TIAM1: variants seen among roughly 807,000 people sequenced by gnomAD.
The protein encoded by TIAM1 is rho guanine nucleotide exchange factor TIAM1.
A neutral mutation model predicts 163.5 loss-of-function variants in TIAM1; 65 were observed. The ratio of observed to expected loss-of-function variants is 0.40; its 90% CI spans 0.33 to 0.49. TIAM1 has a LOEUF of 0.49. TIAM1 is among the 20% of genes least tolerant of loss of function. TIAM1 has a pLI of 0.77. For missense variants in TIAM1, 1,789 were observed against 2,044.7 expected (o/e 0.87, Z 2.41); for synonymous variants, 833 against 810.1 (o/e 1.03, Z -0.48).
At chr21:31,210,814 G>GAGAAAGAAGGAAGGAAGGAAGGGAGAAA (rs147674572) in intron 10 of TIAM1, among the ~76,000 whole-genome samples, 1 of 147,616 alleles carries the variant, frequency 6.8e-6, no homozygotes, top group African/African-American at 2.6e-5. Flanking sequence ...AAGAAAGAAA[G>GAGAAAGAAGGAAGGAAGGAAGGGAGAAA]GTCACCATTC....
rs1485715517 is a variant in TIAM1 at position 31,141,038 on chromosome 21, T to C, written c.3774+80A>G. 7 of 1,143,876 alleles carry C rather than the reference T, an allele frequency of 6.1e-6. No homozygotes were observed. The highest frequency in any genetic ancestry group is 2.4e-5 in the Admixed American group (1 of 41,930). 70.9% of individuals were successfully genotyped at this position (1,143,876 alleles called of 1,614,324 possible). A position where few individuals can be genotyped will look rare whatever the true frequency, so the allele number is the denominator to read the frequency against. The stretch of plus-strand genomic sequence containing the variant: ...TATTTTACTTACAAGTAACACCTTT[T>C]TAAAAAATAAATAAATAAATAAAAG... On this transcript the variant is annotated intron_variant, in intron 22 of 27. Transcript: ENST00000541036. The surrounding 1 kb of genome is among the most constrained non-coding windows in gnomAD (Gnocchi z 4.7).
intron 2 of TIAM1, among the ~76,000 whole-genome samples, chr21:31,352,544 T>TA (rs1383657173): frequency 1.1e-3 from 137 of 127,626 alleles, no homozygotes; most frequent in African/African-American, 3.6e-3. Flanking sequence ...ATATGTAGCT[T>TA]TAAAAAAAAA....
At chr21:31,243,203 A>ATAT (rs1214097603) in intron 6 of TIAM1, among the ~76,000 whole-genome samples, 14 of 132,716 alleles carry the variant, frequency 1.1e-4, no homozygotes, top group African/African-American at 2.8e-4. Context: ...AAAAAAAAAA[A>ATAT]AAAAAAATAT....
intron 2 of TIAM1, chr21:31,463,895 A>G (rs2045427242): frequency 6.6e-6 from 1 of 152,194 alleles, no homozygotes. Flanking sequence ...AATAAGTGAA[A>G]AAGCAAATTT....
At chr21:31,121,177 C>T (rs2081987917) in intron 27 of TIAM1, among the ~76,000 whole-genome samples, 1 of 152,140 alleles carries the variant, frequency 6.6e-6, no homozygotes, top group South Asian at 2.1e-4. Flanking sequence ...GTAACACAGA[C>T]AGCAGCTGCT....
chr21:31,534,144 G>C (rs942044343), intron 1 of TIAM1, among the ~76,000 whole-genome samples: 9 of 152,186 alleles, frequency 5.9e-5, no homozygotes, highest in Admixed American at 2.6e-4. Context: ...GAGAAAGCGA[G>C]TACCTCCAAG....
chr21:31,460,584 C>T (rs2045287722), intron 2 of TIAM1, among the ~76,000 whole-genome samples: 2 of 152,180 alleles, frequency 1.3e-5, no homozygotes, highest in South Asian at 4.1e-4. Flanking sequence ...CAAGACGGTG[C>T]CACTGCATTC....
rs1293862158 is a variant in TIAM1, at chr21:31,120,314, CAG to C, written c.*52_*53del. ...CTTGTCGACGGTACAGGAGGGTGGG[CAG>C]AGTTAGGGCAGGAAGTATCTACACA... On this transcript the variant is annotated 3_prime_UTR_variant, in exon 28 of 28. Transcript: ENST00000541036. This position sits in a 1 kb window ranked among gnomAD's most constrained non-coding sequence, Gnocchi z 4.2. 6.6e-7 allele frequency: 1 copy of C among 1,509,652 alleles called. No homozygotes were observed. Among genetic ancestry groups the C allele is most frequent in the South Asian group, 1.3e-5 (1 of 76,446 alleles). 93.5% of individuals were successfully genotyped at this position (1,509,652 alleles called of 1,614,324 possible).
intron 1 of TIAM1, among the ~76,000 whole-genome samples, chr21:31,497,260 G>A (rs1245532472): frequency 6.6e-6 from 1 of 152,192 alleles, no homozygotes; most frequent in African/African-American, 2.4e-5. Flanking sequence ...TATCCCAAGC[G>A]TTAAGCAACG....
chr21:31,457,071 C>A (rs2045132448), intron 2 of TIAM1, among the ~76,000 whole-genome samples: 1 of 152,320 alleles, frequency 6.6e-6, no homozygotes, highest in East Asian at 1.9e-4. Flanking sequence ...CCTCTCTCCC[C>A]CTTTTTACTG....
At chr21:31,250,649 A>G (rs77301071) in intron 5 of TIAM1, among the ~76,000 whole-genome samples, 2,369 of 152,316 alleles carry the variant, frequency 0.016, 50 homozygotes, top group African/African-American at 0.045. Context: ...GTGCCCTTCC[A>G]TCAATCCTGT....
chr21:31,443,522 C>T (rs2044512193), intron 2 of TIAM1, among the ~76,000 whole-genome samples: 1 of 152,154 alleles, frequency 6.6e-6, no homozygotes, highest in Non-Finnish European at 1.5e-5. Context: ...TGCTTTTTAG[C>T]CTCTCTTGCC....
chr21:31,388,472 C>G (rs2076916635), intron 2 of TIAM1, among the ~76,000 whole-genome samples: 1 of 149,470 alleles, frequency 6.7e-6, no homozygotes, highest in Middle Eastern at 3.4e-3. Context: ...AACACCCCAT[C>G]TCTACAAAAA....
chr21:31,210,252 T>C (rs1210864335), intron 10 of TIAM1, 37 bp from the exon 11 acceptor site: 1 of 1,604,426 alleles, frequency 6.2e-7, no homozygotes, highest in East Asian at 2.2e-5. Context: ...GCAGCAGCAG[T>C]GGAGCTCTGA....
In TIAM1 at chr21:31,484,618, A is replaced by G. The variant is rs551035333; in HGVS notation, c.-421-20583T>C. On this transcript the variant is annotated intron_variant, in intron 1 of 28. Coordinates refer to the TIAM1 transcript ENST00000286827. ...TAAACCTACTCAAGGCCCAGCTATT[A>G]AAGCAGGCCCCAAAGTCCACAGCAC... Among the ~76,000 whole-genome samples the G allele has an allele frequency of 2.0e-5, 3 of 152,334 alleles. No homozygotes were observed. The South Asian group carries it at 6.2e-4, about 32-fold the overall frequency.
At position 31,530,667 on chromosome 21, in the gene TIAM1, T is replaced by G. The variant is rs139395004; in HGVS notation, c.-422+28260A>C. 2.3e-3 allele frequency among the ~76,000 whole-genome samples: 346 copies of G among 152,178 alleles called. 1 individual carries two copies. The South Asian group carries it at 0.024, about 11-fold the overall frequency. On this transcript the variant is annotated intron_variant, in intron 1 of 28. Coordinates refer to the TIAM1 transcript ENST00000286827. Reference sequence around the variant, plus strand: ...GCCTCCTGGTGGAAGCAAGGCGCCTTCTGATCCACACTGAGCCATCAGCTG... The same window carrying G: ...GCCTCCTGGTGGAAGCAAGGCGCCTGCTGATCCACACTGAGCCATCAGCTG...
chr21:31,510,276 T>C (rs1251370804), intron 1 of TIAM1, among the ~76,000 whole-genome samples: 2 of 152,222 alleles, frequency 1.3e-5, no homozygotes, highest in African/African-American at 4.8e-5. Context: ...TTTCTCGCTG[T>C]GTCCTCACAC....
Position 31,154,263 on chromosome 21 carries a change from T to C in TIAM1, c.3155A>G (p.Glu1052Gly). 6.2e-7 allele frequency: 1 copy of C among 1,613,870 alleles called. No homozygotes were observed. The highest frequency in any genetic ancestry group is 8.5e-7 in the Non-Finnish European group (1 of 1,179,940). Residue 1052 changes from glutamate (E) to glycine (G), a missense_variant, in exon 17 of 28, where the codon GAG becomes GGG. Physicochemically the swap from Glu to Gly is moderately conservative, Grantham distance 98. Around this residue, in one of 5 missense-constraint regions of TIAM1, gnomAD observed 303 missense variants for 321.3 expected, o/e 0.94. Transcript: ENST00000541036. The part of the protein sequence containing the change: ...RKVICELLET[E>G]RTYVKDLNCL... ...GAAACATACCTTCACGTAGGTGCGC[T>C]CCGTCTCCAGGAGCTCGCAGATCAC...
chr21:31,442,070 A>AATAAATAAATATATATATATATAT (rs370046459), intron 2 of TIAM1, among the ~76,000 whole-genome samples: 7 of 53,230 alleles, frequency 1.3e-4, no homozygotes, highest in African/African-American at 4.7e-4. Context: ...CAAATAAATA[A>AATAAATAAATATATATATATATAT]ATATATATAT....
Sources: gnomAD v4.1 joint callset for allele counts (sites outside exome capture counted in the v4.1 genomes callset) on GRCh38, gnomAD v4.1.1 for gene constraint, gnomAD v4.1.1 regional missense constraint, Gnocchi (gnomAD v3.1) non-coding constraint, MANE v1.5 for transcripts, NCBI Gene and HGNC (gene_info 2026-07-23, HGNC 2026-07-21) for gene names.